GRM8: variants seen among roughly 807,000 people sequenced by gnomAD.
The protein encoded by GRM8 is glutamate metabotropic receptor 8.
A neutral mutation model predicts 87.2 loss-of-function variants in GRM8; 47 were observed. The observed-to-expected ratio is 0.54, with a 90% confidence interval of 0.43 to 0.69. The LOEUF (loss-of-function observed/expected upper bound fraction) is 0.69, where lower values mean the gene tolerates loss of function less well. Ranked by LOEUF, GRM8 falls within the 30% of genes least tolerant of loss-of-function variation. The pLI, the probability that GRM8 is intolerant of heterozygous loss-of-function variation, is 0.00. For missense variants in GRM8, 1,019 were observed against 1,139.2 expected (o/e 0.89, Z 1.52); for synonymous variants, 396 against 404.5 (o/e 0.98, Z 0.25).
chr7:126,735,539 G>T (rs1175981458), intron 7 of GRM8, among the ~76,000 whole-genome samples: 2 of 152,138 alleles, frequency 1.3e-5, no homozygotes, highest in African/African-American at 4.8e-5. Flanking sequence ...GAATCTTAAA[G>T]GCAGGGATTA....
chr7:126,749,702 T>C (rs930003247), intron 7 of GRM8, among the ~76,000 whole-genome samples: 7 of 151,952 alleles, frequency 4.6e-5, no homozygotes, highest in Non-Finnish European at 7.4e-5. Flanking sequence ...AGAGAAGATA[T>C]AGGAATGGCT....
intron 2 of GRM8, among the ~76,000 whole-genome samples, chr7:127,119,644 C>T (rs1451446298): frequency 1.3e-5 from 2 of 152,108 alleles, no homozygotes; most frequent in African/African-American, 2.4e-5. Flanking sequence ...CTATAGATTG[C>T]TTAGGAAAAG....
At chr7:126,501,393 C>T (rs1010397502) in intron 9 of GRM8, among the ~76,000 whole-genome samples, 1 of 151,922 alleles carries the variant, frequency 6.6e-6, no homozygotes, top group African/African-American at 2.4e-5. Flanking sequence ...GTGTTCATCA[C>T]ATATCAGACT....
At position 126,759,702 on chromosome 7, in the gene GRM8, T is replaced by C. The variant is rs116123107; in HGVS notation, c.1357+10163A>G. ...CTGCATCTTTCTAAAGATTCTCAAG[T>C]TCTCAGTCCCAACCCACTCATCTCA... On this transcript the variant is annotated intron_variant, in intron 7 of 10. Transcript: ENST00000339582. 5.4e-3 allele frequency among the ~76,000 whole-genome samples: 819 copies of C among 152,290 alleles called. 6 individuals are homozygous for C. The highest frequency in any genetic ancestry group is 0.019 in the African/African-American group (785 of 41,568).
At chr7:127,231,611 G>A (rs536765015) in intron 2 of GRM8, among the ~76,000 whole-genome samples, 38 of 152,276 alleles carry the variant, frequency 2.5e-4, no homozygotes, top group Admixed American at 5.9e-4. Context: ...TTGTATCAGA[G>A]ATGATAGGAA....
chr7:126,888,998 A>C (rs891876734), intron 6 of GRM8, among the ~76,000 whole-genome samples: 1 of 152,164 alleles, frequency 6.6e-6, no homozygotes, highest in African/African-American at 2.4e-5. Flanking sequence ...CCTATTTGTC[A>C]GAATACTAAC....
chr7:126,845,211 C>G (rs1796607313), intron 6 of GRM8, among the ~76,000 whole-genome samples: 1 of 152,216 alleles, frequency 6.6e-6, no homozygotes, highest in Admixed American at 6.5e-5. Context: ...TGCCTTATAT[C>G]TGGTGACTAT....
In GRM8 at chr7:126,446,253, T is replaced by C. The variant is rs763073535; in HGVS notation, c.2550A>G (p.Gln850=). 42 of 1,612,906 alleles carry C rather than the reference T, an allele frequency of 2.6e-5. No individual in the cohort carries two copies. The highest frequency in any genetic ancestry group is 3.4e-5 in the Non-Finnish European group (40 of 1,179,382). The change falls in exon 10 of 11, where the codon CAA becomes CAG. Residue 850 remains glutamine, a synonymous_variant. Transcript: ENST00000339582. ...CAGCCTTGAAGCTCCTCTTGCGTTTTTGAACATTCTGTTCTGGATGAAAAA... is the reference window on the plus strand; with the variant it reads ...CAGCCTTGAAGCTCCTCTTGCGTTTCTGAACATTCTGTTCTGGATGAAAAA... The part of the protein sequence containing the change: ...IIIFHPEQNV[Q]KRKRSFKAVV...
intron 3 of GRM8, among the ~76,000 whole-genome samples, chr7:126,938,222 G>C (rs1486145391): frequency 2.0e-5 from 3 of 152,138 alleles, no homozygotes; most frequent in Non-Finnish European, 4.4e-5. Context: ...CCATGGGCCA[G>C]AATGCAGATG....
At chr7:127,000,925 C>G (rs1813670391) in intron 3 of GRM8, among the ~76,000 whole-genome samples, 1 of 151,580 alleles carries the variant, frequency 6.6e-6, no homozygotes, top group South Asian at 2.1e-4. Context: ...TTTATGAAAT[C>G]TACAAATTGA....
chr7:126,561,198 C>T (rs553275193), intron 8 of GRM8, among the ~76,000 whole-genome samples: 8 of 152,102 alleles, frequency 5.3e-5, no homozygotes, highest in East Asian at 1.9e-4. Context: ...ATAGGCCAGG[C>T]GCAGTGGCTC....
intron 3 of GRM8, among the ~76,000 whole-genome samples, chr7:127,040,891 C>A (rs1455918494): frequency 6.6e-6 from 1 of 152,144 alleles, no homozygotes; most frequent in Non-Finnish European, 1.5e-5. Flanking sequence ...ACAAACAGTA[C>A]ATGAATAGAA....
intron 8 of GRM8, among the ~76,000 whole-genome samples, chr7:126,601,487 A>C (rs1290662771): frequency 1.3e-5 from 2 of 151,966 alleles, no homozygotes; most frequent in Non-Finnish European, 2.9e-5. Context: ...TCTAGTTCTA[A>C]ATCCCTGAGG....
intron 7 of GRM8, among the ~76,000 whole-genome samples, chr7:126,750,170 A>G (rs1816257036): frequency 6.6e-6 from 1 of 152,168 alleles, no homozygotes; most frequent in Non-Finnish European, 1.5e-5. Context: ...ACCAATAGAC[A>G]CAACACAGGT....
chr7:126,907,670 C>T (rs1802860231), intron 3 of GRM8, among the ~76,000 whole-genome samples: 1 of 152,154 alleles, frequency 6.6e-6, no homozygotes, highest in African/African-American at 2.4e-5. Context: ...CTAAATGTTT[C>T]TATTTCTTCG....
At chr7:127,047,166 C>A (rs1445162583) in intron 3 of GRM8, among the ~76,000 whole-genome samples, 1 of 152,192 alleles carries the variant, frequency 6.6e-6, no homozygotes. Context: ...AAAACAGCCA[C>A]ACCCATCTGA....
At chr7:126,571,445 C>A (rs1404325915) in intron 8 of GRM8, among the ~76,000 whole-genome samples, 2 of 152,120 alleles carry the variant, frequency 1.3e-5, no homozygotes, top group African/African-American at 4.8e-5. Context: ...ATATACAGGA[C>A]AAGGATGGGA....
chr7:126,481,425 C>T (rs1806660270), intron 9 of GRM8, among the ~76,000 whole-genome samples: 1 of 151,948 alleles, frequency 6.6e-6, no homozygotes, highest in Non-Finnish European at 1.5e-5. Flanking sequence ...CTACCTTAAG[C>T]AAATAAGCAA....
At chr7:127,199,707 T>C (rs1270040924) in intron 2 of GRM8, among the ~76,000 whole-genome samples, 2 of 152,180 alleles carry the variant, frequency 1.3e-5, no homozygotes, top group African/African-American at 4.8e-5. Context: ...ATGATGCAAA[T>C]TGTGCCTCCT....
Sources: gnomAD v4.1 joint callset for allele counts (sites outside exome capture counted in the v4.1 genomes callset) on GRCh38, gnomAD v4.1.1 for gene constraint, MANE v1.5 for transcripts, NCBI Gene and HGNC (gene_info 2026-07-23, HGNC 2026-07-21) for gene names.